ZKSCAN8: variants seen among roughly 807,000 people sequenced by gnomAD.
ZKSCAN8 encodes the protein zinc finger with KRAB and SCAN domains 8.
A neutral mutation model predicts 57.2 loss-of-function variants in ZKSCAN8; 27 were observed. The observed-to-expected ratio is 0.47, with a 90% confidence interval of 0.35 to 0.65. The LOEUF is 0.65. ZKSCAN8 is among the 30% of genes least tolerant of loss of function. The pLI, the probability that ZKSCAN8 is intolerant of heterozygous loss-of-function variation, is 0.01. For missense variants in ZKSCAN8, 597 were observed against 696.3 expected, an observed-to-expected ratio of 0.86 and a Z score of 1.60; for synonymous variants, 214 against 248.7, an observed-to-expected ratio of 0.86 and a Z score of 1.31.
At chr6:28,152,032 C>A in intron 4 of ZKSCAN8, 96 bp downstream of exon 4, 1 of 1,447,276 alleles carries the variant, frequency 6.9e-7, no homozygotes. Flanking sequence ...TGTAGCAGTA[C>A]CTACCCAAAA....
Position 28,156,171 on chromosome 6 carries a change from A to T in ZKSCAN8, c.*2154A>T. On this transcript the variant is annotated 3_prime_UTR_variant, in exon 6 of 6. Transcript: ENST00000330236. ...AATATATGTGTATGTACACATGTGT[A>T]TGTACACACACACACACACCTGCCA... 2.5e-6 allele frequency: 1 copy of T among 398,382 alleles called. No individual in the cohort carries two copies. Among genetic ancestry groups the T allele is most frequent in the Admixed American group, 4.4e-5 (1 of 22,726 alleles). The allele number at this position is 398,382 out of a possible 1,614,324, so 24.7% of individuals were successfully genotyped here.
At chr6:28,142,863 C>G (rs1765264328) in intron 1 of ZKSCAN8, among the ~76,000 whole-genome samples, 1 of 152,152 alleles carries the variant, frequency 6.6e-6, no homozygotes, top group African/African-American at 2.4e-5. Context: ...TTTGAGATAA[C>G]AAAGCATAGT....
At position 28,152,351 on chromosome 6, in the gene ZKSCAN8, A is replaced by G; in HGVS notation, c.742A>G (p.Arg248Gly). Residue 248 changes from arginine (R) to glycine (G), a missense_variant, in exon 5 of 6, where the codon AGG (arginine) becomes GGG (glycine). Arg to Gly is a moderately radical substitution (Grantham distance 125). Coordinates refer to ENST00000330236, the MANE Select transcript of ZKSCAN8 (RefSeq NM_006298.4). ...ACAGAAGGATCTGTGTAGAGATAAC[A>G]GGCCAGAAAATTTCAGAAACATGTT... ...PSQKDLCRDN[R>G]PENFRNMFSL... The G allele has an allele frequency of 6.2e-7, 1 of 1,610,404 alleles. No homozygotes were observed. The highest frequency in any genetic ancestry group is 8.5e-7 in the Non-Finnish European group (1 of 1,179,096).
chr6:28,146,153 T>C (rs1581519589), intron 1 of ZKSCAN8, among the ~76,000 whole-genome samples: 2 of 152,214 alleles, frequency 1.3e-5, no homozygotes, highest in African/African-American at 4.8e-5. Context: ...ATCTCACTCT[T>C]ACAAGAAATA....
chr6:28,148,475 T>G lies in ZKSCAN8; in HGVS notation c.68T>G (p.Val23Gly). The G allele has an allele frequency of 6.2e-7, 1 of 1,614,104 alleles. No homozygotes were observed. The highest frequency in any genetic ancestry group is 8.5e-7 in the Non-Finnish European group (1 of 1,180,010). ...GACCAGACTCCTGAAGAGGATCTTG[T>G]AATCGTCAAGGTAGAGGAGGATCAT... ...PPDQTPEEDLVIVKVEEDHGW... is the reference protein window; with the variant it reads ...PPDQTPEEDLGIVKVEEDHGW... The change falls in exon 2 of 6, where the codon GTA becomes GGA. Residue 23 changes from valine (V) to glycine (G), a missense_variant. Transcript: ENST00000330236.
chr6:28,143,503 T>C (rs1765287762), intron 1 of ZKSCAN8, among the ~76,000 whole-genome samples: 1 of 152,162 alleles, frequency 6.6e-6, no homozygotes, highest in Non-Finnish European at 1.5e-5. Context: ...CCTCCTGTAC[T>C]GGTAAGTAGT....
chr6:28,148,717 C>A lies in ZKSCAN8; in HGVS notation c.310C>A (p.Pro104Thr). Residue 104 changes from proline to threonine, a missense_variant, in exon 2 of 6, where the codon CCT becomes ACT. Coordinates refer to ENST00000330236, the MANE Select transcript of ZKSCAN8 (RefSeq NM_006298.4). ...GCTGGAGCAGTTCTTGACCATCCTA[C>A]CTGAGGAGCTCCAGACACTGGTTAA... is the stretch of plus-strand genomic sequence containing the variant. Reference protein sequence around the residue: ...LVLEQFLTILPEELQTLVKEH... With the variant: ...LVLEQFLTILTEELQTLVKEH... The A allele has an allele frequency of 6.2e-7, 1 of 1,614,124 alleles. No individual in the cohort carries two copies. The highest frequency in any genetic ancestry group is 8.5e-7 in the Non-Finnish European group (1 of 1,180,016).
At position 28,153,676 on chromosome 6, in the gene ZKSCAN8, G is replaced by A. The variant is rs1429941994; in HGVS notation, c.1396G>A (p.Glu466Lys). 5.0e-6 allele frequency: 8 copies of A among 1,614,018 alleles called. No individual in the cohort carries two copies. The highest frequency in any genetic ancestry group is 6.8e-6 in the Non-Finnish European group (8 of 1,179,980). The stretch of plus-strand genomic sequence containing the variant: ...TGGGGAGAAGCCCTATGAGTGTGAT[G>A]AGTGTGGGAAAACCTTCAGGCGGAG... The part of the protein sequence containing the change: ...HTGEKPYECD[E>K]CGKTFRRSSH... The change falls in exon 6 of 6, where the codon GAG becomes AAG. Residue 466 changes from glutamate to lysine, a missense_variant. Transcript: ENST00000330236.
In ZKSCAN8 at chr6:28,157,290, A is replaced by T. The variant is rs1304011048; in HGVS notation, c.*3273A>T. 1 of 152,182 alleles carries T rather than the reference A, an allele frequency of 6.6e-6. No individual in the cohort carries two copies. The highest frequency in any genetic ancestry group is 1.5e-5 in the Non-Finnish European group (1 of 68,030). The allele number at this position is 152,182 out of a possible 1,614,324, so 9.4% of individuals were successfully genotyped here. On this transcript the variant is annotated 3_prime_UTR_variant, in exon 6 of 6. Transcript: ENST00000330236. ...AGGAAAGTTCTGCCCCCGTGATTCAATTACCTCCCACTTGGTCCCACCCAC... is the reference window on the plus strand; with the variant it reads ...AGGAAAGTTCTGCCCCCGTGATTCATTTACCTCCCACTTGGTCCCACCCAC...
rs961812237 is a variant in ZKSCAN8, at chr6:28,156,076, T to A, written c.*2059T>A. On this transcript the variant is annotated 3_prime_UTR_variant, in exon 6 of 6. Coordinates refer to ENST00000330236, the MANE Select transcript of ZKSCAN8 (RefSeq NM_006298.4). ...TTGTGCCTTACCCTCTGTAAGATAC[T>A]GATTCTTCCTGGGGCCAGTATTACC... 1 of 398,118 alleles carries A rather than the reference T, an allele frequency of 2.5e-6. No homozygotes were observed. Among genetic ancestry groups the A allele is most frequent in the East Asian group, 3.6e-5 (1 of 28,064 alleles). 24.7% of individuals were successfully genotyped at this position (398,118 alleles called of 1,614,324 possible).
At chr6:28,148,845 G>A (rs1765494046) in intron 2 of ZKSCAN8, 21 bp downstream of exon 2, 6 of 1,593,154 alleles carry the variant, frequency 3.8e-6, no homozygotes, top group African/African-American at 1.3e-5. Flanking sequence ...GGAGGTATGC[G>A]TGCTATGACT....
Position 28,156,637 on chromosome 6 carries a change from T to C in ZKSCAN8, c.*2620T>C, listed in dbSNP as rs1561826564. 1 of 156,746 alleles carries C rather than the reference T, an allele frequency of 6.4e-6. No individual in the cohort carries two copies. The highest frequency in any genetic ancestry group is 1.4e-5 in the Non-Finnish European group (1 of 71,326). 9.7% of individuals were successfully genotyped at this position (156,746 alleles called of 1,614,324 possible). A position where few individuals can be genotyped will look rare whatever the true frequency, so the allele number is the denominator to read the frequency against. On this transcript the variant is annotated 3_prime_UTR_variant, in exon 6 of 6. Coordinates refer to ENST00000330236, the MANE Select transcript of ZKSCAN8 (RefSeq NM_006298.4). Reference sequence around the variant, plus strand: ...TAGCATAGAATATTATTGACTAGGCTGTATGACATTTTGAGCTCTTAACTG... The same window carrying C: ...TAGCATAGAATATTATTGACTAGGCCGTATGACATTTTGAGCTCTTAACTG...
intron 3 of ZKSCAN8, among the ~76,000 whole-genome samples, chr6:28,151,637 A>G (rs745775920): frequency 1.3e-5 from 2 of 152,252 alleles, no homozygotes; most frequent in Non-Finnish European, 2.9e-5. Flanking sequence ...GTGTAACTTC[A>G]GTCTGACTTC....
At position 28,156,693 on chromosome 6, in the gene ZKSCAN8, A is replaced by C. The variant is rs746120957; in HGVS notation, c.*2676A>C. On this transcript the variant is annotated 3_prime_UTR_variant, in exon 6 of 6. Coordinates refer to ENST00000330236, the MANE Select transcript of ZKSCAN8 (RefSeq NM_006298.4). ...GGCATTCATTAAGCTCCTTTATCCT[A>C]TAGATTCTATCTTTATGTTCATCTG... The C allele has an allele frequency of 6.6e-6, 1 of 152,564 alleles. No homozygotes were observed. Among genetic ancestry groups the C allele is most frequent in the Non-Finnish European group, 1.5e-5 (1 of 68,330 alleles). The allele number at this position is 152,564 out of a possible 1,614,324, so 9.5% of individuals were successfully genotyped here. A position where few individuals can be genotyped will look rare whatever the true frequency, so the allele number is the denominator to read the frequency against.
chr6:28,154,111 A>G lies in ZKSCAN8; in HGVS notation c.*94A>G. 2 of 1,487,554 alleles carry G rather than the reference A, an allele frequency of 1.3e-6. No individual in the cohort carries two copies. The highest frequency in any genetic ancestry group is 1.8e-6 in the Non-Finnish European group (2 of 1,123,238). The allele number at this position is 1,487,554 out of a possible 1,614,324, so 92.1% of individuals were successfully genotyped here. A position where few individuals can be genotyped will look rare whatever the true frequency, so the allele number is the denominator to read the frequency against. On this transcript the variant is annotated 3_prime_UTR_variant, in exon 6 of 6. Transcript: ENST00000330236. ...CAGTGTACTAAAAGGCAGAAAGGTC[A>G]TCACAACTTTAGTGTCAGAATCTAT... is the stretch of plus-strand genomic sequence containing the variant.
At chr6:28,149,798 AC>A (rs1765532136) in intron 3 of ZKSCAN8, among the ~76,000 whole-genome samples, 174 bp downstream of exon 3, 1 of 151,086 alleles carries the variant, frequency 6.6e-6, no homozygotes, top group African/African-American at 2.4e-5. Flanking sequence ...CTAGTGGTAA[AC>A]TCATGAACAA....
chr6:28,154,978 C>T lies in ZKSCAN8; in HGVS notation c.*961C>T, dbSNP rs1765737797. The stretch of plus-strand genomic sequence containing the variant: ...AAAAACCTTACAAAGAATGTATACT[C>T]ATCTTTTTTGGCCCATTACAATACT... On this transcript the variant is annotated 3_prime_UTR_variant, in exon 6 of 6. Transcript: ENST00000330236. 2 of 152,590 alleles carry T rather than the reference C, an allele frequency of 1.3e-5. No individual in the cohort carries two copies. Among genetic ancestry groups the T allele is most frequent in the Admixed American group, 1.3e-4 (2 of 15,276 alleles). The allele number at this position is 152,590 out of a possible 1,614,324, so 9.5% of individuals were successfully genotyped here. A position where few individuals can be genotyped will look rare whatever the true frequency, so the allele number is the denominator to read the frequency against.
rs549225167 is a variant in ZKSCAN8, at chr6:28,156,474, G to A, written c.*2457G>A. 27 of 344,554 alleles carry A rather than the reference G, an allele frequency of 7.8e-5. No individual in the cohort carries two copies. Among genetic ancestry groups the A allele is most frequent in the African/African-American group, 5.5e-4 (26 of 47,628 alleles). 21.3% of individuals were successfully genotyped at this position (344,554 alleles called of 1,614,324 possible). A position where few individuals can be genotyped will look rare whatever the true frequency, so the allele number is the denominator to read the frequency against. On this transcript the variant is annotated 3_prime_UTR_variant, in exon 6 of 6. Coordinates refer to ENST00000330236, the MANE Select transcript of ZKSCAN8 (RefSeq NM_006298.4). ...TAGTGTTATATTGGGTGTGAGAAAA[G>A]ACTGTGTCTTGAAAGAATTATCAAA...
intron 1 of ZKSCAN8, among the ~76,000 whole-genome samples, chr6:28,143,577 A>AAAT (rs1347677131): frequency 1.3e-5 from 2 of 152,224 alleles, no homozygotes; most frequent in African/African-American, 4.8e-5. Context: ...CCCTGTCCCT[A>AAAT]AATAATAATA....
Sources: allele counts gnomAD v4.1 joint callset (sites outside exome capture counted in the v4.1 genomes callset), GRCh38; gene constraint gnomAD v4.1.1; transcripts MANE v1.5; gene names NCBI Gene and HGNC (gene_info 2026-07-23, HGNC 2026-07-21).